Variants in CYRIB observed in about 807,000 individuals in gnomAD.
CYRIB encodes the protein CYFIP related Rac1 interactor B, also known as CYFIP-related Rac1 interactor B.
Under a neutral mutation model 44.2 loss-of-function variants are expected in CYRIB, and 8 were observed. The ratio of observed to expected loss-of-function variants is 0.18; its 90% CI spans 0.11 to 0.33. The LOEUF (loss-of-function observed/expected upper bound fraction) is 0.33. CYRIB is among the 10% of genes least tolerant of loss of function. The pLI is 1.00. For missense variants in CYRIB, 185 were observed against 382.8 expected (o/e 0.48, Z 4.31); for synonymous variants, 131 against 127.2 (o/e 1.03, Z -0.20).
At chr8:129,902,513 C>A (rs2072771262) in intron 2 of CYRIB, among the ~76,000 whole-genome samples, 1 of 152,102 alleles carries the variant, frequency 6.6e-6, no homozygotes, top group East Asian at 1.9e-4. Context: ...AGCCACTGCG[C>A]CCACCCTTGT....
intron 2 of CYRIB, among the ~76,000 whole-genome samples, chr8:129,952,150 A>G (rs1011155946): frequency 4.6e-5 from 7 of 152,216 alleles, no homozygotes; most frequent in African/African-American, 1.7e-4. Flanking sequence ...GGTTCAAGCG[A>G]TTCTCCTGCC....
At chr8:129,903,345 T>C (rs1589228099) in exon 2 of CYRIB, 1 of 152,774 alleles carries the variant, frequency 6.5e-6, no homozygotes, top group East Asian at 1.9e-4. Flanking sequence ...GTCCTTGTCC[T>C]TCTATCTGTT....
intron 2 of CYRIB, chr8:129,948,901 G>GA (rs1226136700): frequency 6.6e-6 from 1 of 152,142 alleles, no homozygotes; most frequent in Non-Finnish European, 1.5e-5. Flanking sequence ...CCTGTATGTA[G>GA]AAAAAATTTA....
At chr8:129,879,680 ACACAATGG>A in intron 2 of CYRIB, 1 of 471,460 alleles carries the variant, frequency 2.1e-6, no homozygotes, top group Non-Finnish European at 3.7e-6. Context: ...GTTTTCCTGT[ACACAATGG>A]CACAACTGTT....
At chr8:129,889,797 CCTT>C (rs1404431409) in intron 2 of CYRIB, among the ~76,000 whole-genome samples, 3 of 151,434 alleles carry the variant, frequency 2.0e-5, no homozygotes, top group African/African-American at 7.3e-5. Flanking sequence ...TGGTTTCTTT[CCTT>C]TTTTTTTTTT....
At chr8:130,008,677 T>C (rs1294177478) in intron 1 of CYRIB, among the ~76,000 whole-genome samples, 3 of 152,226 alleles carry the variant, frequency 2.0e-5, no homozygotes, top group African/African-American at 7.2e-5. Flanking sequence ...GGAATGACTG[T>C]AAAATACCAC....
chr8:129,892,295 A>C (rs558272871), intron 2 of CYRIB, among the ~76,000 whole-genome samples: 1 of 152,366 alleles, frequency 6.6e-6, no homozygotes, highest in African/African-American at 2.4e-5. Flanking sequence ...ATAAGGACTT[A>C]CTATGAAAGT....
intron 3 of CYRIB, among the ~76,000 whole-genome samples, chr8:129,875,611 A>G (rs1349189686): frequency 6.6e-6 from 1 of 152,190 alleles, no homozygotes; most frequent in Non-Finnish European, 1.5e-5. Flanking sequence ...TTAAATAAAA[A>G]CAAAATAAAA....
chr8:129,939,036 T>C (rs926359065), intron 1 of CYRIB, among the ~76,000 whole-genome samples: 2 of 152,064 alleles, frequency 1.3e-5, no homozygotes, highest in Non-Finnish European at 2.9e-5. Context: ...AGTATCTAAG[T>C]TGGAAGATCT....
At chr8:129,951,783 T>TA (rs1440392873) in intron 2 of CYRIB, among the ~76,000 whole-genome samples, 1 of 152,194 alleles carries the variant, frequency 6.6e-6, no homozygotes, top group African/African-American at 2.4e-5. Context: ...TCTTTCACCC[T>TA]ACTCTTTGTT....
intron 1 of CYRIB, among the ~76,000 whole-genome samples, chr8:129,935,263 T>G (rs2092584684): frequency 6.6e-6 from 1 of 152,248 alleles, no homozygotes; most frequent in Non-Finnish European, 1.5e-5. Flanking sequence ...TACCAATGTA[T>G]GATTGGAAGG....
intron 8 of CYRIB, chr8:129,851,477 T>C (rs890626628): frequency 1.3e-5 from 2 of 153,486 alleles, no homozygotes; most frequent in African/African-American, 4.8e-5. Flanking sequence ...ATGAGACTGT[T>C]TGATGGAATA....
intron 6 of CYRIB, 135 bp from the exon 9 acceptor site, chr8:129,854,478 T>C: frequency 1.6e-6 from 1 of 618,254 alleles, no homozygotes; most frequent in Non-Finnish European, 2.7e-6. Context: ...CTAGCACTGG[T>C]ATAATCCAAG....
At chr8:130,016,876 T>C (rs1030151788), upstream of CYRIB, 1 of 152,104 alleles carries the variant, frequency 6.6e-6, no homozygotes, top group Admixed American at 6.5e-5. Flanking sequence ...TCGCCCTCAT[T>C]GTGCGAGGAG....
intron 4 of CYRIB, among the ~76,000 whole-genome samples, chr8:129,868,921 G>C (rs2055401120): frequency 6.7e-6 from 1 of 149,638 alleles, no homozygotes. Flanking sequence ...ACCCGGGCTG[G>C]GCACAGTGGC....
chr8:129,923,526 A>G (rs2085223765), intron 1 of CYRIB, among the ~76,000 whole-genome samples: 1 of 151,962 alleles, frequency 6.6e-6, no homozygotes, highest in Non-Finnish European at 1.5e-5. Flanking sequence ...CCACCCACCT[A>G]AGCGTCCCAA....
intron 1 of CYRIB, among the ~76,000 whole-genome samples, chr8:129,924,509 G>A (rs2086243547): frequency 6.6e-6 from 1 of 151,900 alleles, no homozygotes; most frequent in African/African-American, 2.4e-5. Flanking sequence ...CCATTATACT[G>A]AACAAGCCGA....
At chr8:129,930,991 G>A (rs866532572) in intron 1 of CYRIB, among the ~76,000 whole-genome samples, 1 of 151,994 alleles carries the variant, frequency 6.6e-6, no homozygotes, top group African/African-American at 2.4e-5. Context: ...GACACATTTA[G>A]TATCTAACAT....
At chr8:130,013,906 T>G (rs1167634439) in intron 1 of CYRIB, among the ~76,000 whole-genome samples, 5 of 152,226 alleles carry the variant, frequency 3.3e-5, no homozygotes, top group African/African-American at 1.2e-4. Flanking sequence ...AAAAGACACG[T>G]ACTGTTTCCT....
Sources: allele counts gnomAD v4.1 joint callset (sites outside exome capture counted in the v4.1 genomes callset), GRCh38; gene constraint gnomAD v4.1.1; transcripts MANE v1.5; gene names NCBI Gene and HGNC (gene_info 2026-07-23, HGNC 2026-07-21).